PBX1: variants seen among roughly 807,000 people sequenced by gnomAD.
PBX1 encodes pre-B-cell leukemia transcription factor 1.
Under a neutral mutation model 53.4 loss-of-function variants are expected in PBX1, and 6 were observed. The observed-to-expected ratio is 0.11, with a 90% CI of 0.06 to 0.22. The LOEUF (loss-of-function observed/expected upper bound fraction) is 0.22, where lower values mean the gene tolerates loss of function less well. Ranked by LOEUF, PBX1 falls within the 10% of genes least tolerant of loss-of-function variation. The probability of loss-of-function intolerance (pLI) is 1.00; values close to 1 mark genes in which losing one functional copy is unlikely to be tolerated. For missense variants in PBX1, 251 were observed against 551.4 expected (o/e 0.46, Z 5.46); for synonymous variants, 204 against 212.3 (o/e 0.96, Z 0.34).
At chr1:164,570,880 CTT>C (rs1467201899) in intron 2 of PBX1, among the ~76,000 whole-genome samples, 4 of 152,160 alleles carry the variant, frequency 2.6e-5, no homozygotes, top group Non-Finnish European at 4.4e-5. Context: ...TGTTTCCTGA[CTT>C]TTTAAGGATC....
chr1:164,668,915 G>A (rs527852343), intron 2 of PBX1, among the ~76,000 whole-genome samples: 5 of 152,218 alleles, frequency 3.3e-5, no homozygotes, highest in South Asian at 2.1e-4. Flanking sequence ...ATTTCATTTC[G>A]CCTGGCAGAA....
intron 2 of PBX1, among the ~76,000 whole-genome samples, chr1:164,783,481 GA>G (rs1443266138): frequency 6.6e-6 from 1 of 152,084 alleles, no homozygotes; most frequent in Non-Finnish European, 1.5e-5. Context: ...CTAACGCGCA[GA>G]AAAACCAAAC....
At chr1:164,607,192 A>G (rs1006335095) in intron 2 of PBX1, among the ~76,000 whole-genome samples, 3 of 152,110 alleles carry the variant, frequency 2.0e-5, no homozygotes, top group Non-Finnish European at 4.4e-5. Flanking sequence ...AGGGAAGGGG[A>G]TGAGAGGTAA....
intron 2 of PBX1, among the ~76,000 whole-genome samples, chr1:164,717,715 C>G (rs1488297277): frequency 1.3e-5 from 2 of 152,142 alleles, no homozygotes; most frequent in Admixed American, 1.3e-4. Context: ...TACCTGGAAA[C>G]AGGTGTGCCT....
chr1:164,786,126 C>T (rs1156543841), intron 2 of PBX1, among the ~76,000 whole-genome samples: 2 of 152,190 alleles, frequency 1.3e-5, no homozygotes, highest in Non-Finnish European at 2.9e-5. Context: ...AATTGGCTGC[C>T]TGGCTGAGAA....
intron 2 of PBX1, among the ~76,000 whole-genome samples, chr1:164,786,605 A>G (rs1165894005): frequency 6.6e-6 from 1 of 151,552 alleles, no homozygotes; most frequent in Non-Finnish European, 1.5e-5. Context: ...AATAGAAAAA[A>G]CTTCCTTCTT....
intron 2 of PBX1, among the ~76,000 whole-genome samples, chr1:164,731,721 G>A (rs1571304444): frequency 6.6e-6 from 1 of 152,254 alleles, no homozygotes; most frequent in African/African-American, 2.4e-5. Flanking sequence ...CTGCGACTTG[G>A]CTAATTACTG....
intron 2 of PBX1, among the ~76,000 whole-genome samples, chr1:164,686,401 TC>T (rs1398278120): frequency 6.6e-6 from 1 of 150,816 alleles, no homozygotes; most frequent in Non-Finnish European, 1.5e-5. Context: ...TTGGGAAACT[TC>T]CATGGCCCAT....
At chr1:164,757,740 T>TA (rs1399088410) in intron 2 of PBX1, among the ~76,000 whole-genome samples, 1 of 152,150 alleles carries the variant, frequency 6.6e-6, no homozygotes, top group Non-Finnish European at 1.5e-5. Flanking sequence ...ATCATGCTGT[T>TA]ACTATTTCGT....
intron 2 of PBX1, among the ~76,000 whole-genome samples, chr1:164,575,480 G>C (rs1403333250): frequency 2.0e-5 from 3 of 152,164 alleles, no homozygotes; most frequent in Non-Finnish European, 2.9e-5. Flanking sequence ...GTGCTGGTAG[G>C]GCAGAGAGAG....
chr1:164,616,396 T>G (rs1018681102), intron 2 of PBX1, among the ~76,000 whole-genome samples: 1 of 152,246 alleles, frequency 6.6e-6, no homozygotes, highest in Admixed American at 6.5e-5. Flanking sequence ...TATATATTAT[T>G]GTGTTGGTGG....
chr1:164,834,533 C>T (rs1462177468), intron 8 of PBX1, among the ~76,000 whole-genome samples: 4 of 151,898 alleles, frequency 2.6e-5, no homozygotes, highest in South Asian at 2.1e-4. Flanking sequence ...TTAGTAGAGA[C>T]GGAGTTTCAC....
intron 2 of PBX1, among the ~76,000 whole-genome samples, chr1:164,722,158 A>G (rs541911073): frequency 1.3e-5 from 2 of 152,262 alleles, no homozygotes; most frequent in African/African-American, 2.4e-5. Flanking sequence ...CATGCTCTGC[A>G]ACCATTTTCT....
intron 2 of PBX1, among the ~76,000 whole-genome samples, chr1:164,635,572 G>A (rs756249455): frequency 2.8e-4 from 43 of 152,176 alleles, no homozygotes; most frequent in Non-Finnish European, 3.7e-4. Context: ...AGGCGCGCGC[G>A]GGCTGCGCCA....
intron 2 of PBX1, among the ~76,000 whole-genome samples, chr1:164,610,629 C>T (rs1454003197): frequency 6.6e-6 from 1 of 152,064 alleles, no homozygotes; most frequent in African/African-American, 2.4e-5. Context: ...GAGCTACAAG[C>T]GATCGGTTCT....
intron 2 of PBX1, among the ~76,000 whole-genome samples, chr1:164,615,462 A>G (rs1367547629): frequency 1.3e-5 from 2 of 152,088 alleles, no homozygotes; most frequent in Admixed American, 1.3e-4. Flanking sequence ...CAGGCAAGTA[A>G]CTATTTGTTC....
intron 2 of PBX1, among the ~76,000 whole-genome samples, chr1:164,650,558 G>C (rs1342842634): frequency 6.6e-6 from 1 of 152,090 alleles, no homozygotes; most frequent in African/African-American, 2.4e-5. Context: ...AGAGAAGGCA[G>C]CCCTGATTTA....
intron 2 of PBX1, among the ~76,000 whole-genome samples, chr1:164,878,449 G>A (rs1321970899): frequency 4.6e-5 from 7 of 152,178 alleles, no homozygotes; most frequent in African/African-American, 1.7e-4. Context: ...AATACTTAAT[G>A]TGGCATATGA....
At chr1:164,807,117 T>C (rs1571444503) in intron 4 of PBX1, among the ~76,000 whole-genome samples, 2 of 151,672 alleles carry the variant, frequency 1.3e-5, no homozygotes. Context: ...ATTAGCTGGG[T>C]GTTGTGGCAC....
Sources: gnomAD v4.1 joint callset for allele counts (sites outside exome capture counted in the v4.1 genomes callset) on GRCh38, gnomAD v4.1.1 for gene constraint, MANE v1.5 for transcripts, NCBI Gene and HGNC (gene_info 2026-07-23, HGNC 2026-07-21) for gene names.